PDE4B: variants seen among roughly 807,000 people sequenced by gnomAD.
PDE4B encodes phosphodiesterase 4B, also known as 3',5'-cyclic-AMP phosphodiesterase 4B.
PDE4B carries 20 observed loss-of-function variants against 82.2 expected under a neutral mutation model. The observed-to-expected ratio is 0.24, with a 90% CI of 0.17 to 0.35. The LOEUF (loss-of-function observed/expected upper bound fraction) is 0.35, where lower values mean the gene tolerates loss of function less well. Ranked by LOEUF, PDE4B falls within the 10% of genes least tolerant of loss-of-function variation. PDE4B has a pLI of 1.00. For missense variants in PDE4B, 655 were observed against 907.2 expected (o/e 0.72, Z 3.57); for synonymous variants, 320 against 318.9 (o/e 1.00, Z -0.04).
At chr1:66,367,262 G>A (rs966458705) in intron 13 of PDE4B, among the ~76,000 whole-genome samples, 2 of 152,198 alleles carry the variant, frequency 1.3e-5, no homozygotes. Flanking sequence ...AATTGCCGGA[G>A]ATTAGGGAGA....
Position 65,816,189 on chromosome 1 carries a change from C to CTGTGTGTG in PDE4B, c.-71+22941_-71+22942insTGTGTGTG, listed in dbSNP as rs1557761242. Among the ~76,000 whole-genome samples, 34 of 22,534 alleles carry CTGTGTGTG rather than the reference C, an allele frequency of 1.5e-3. No individual in the cohort carries two copies. The East Asian group carries it at 0.027, about 18-fold the overall frequency. 14.8% of individuals were successfully genotyped at this position (22,534 alleles called of 152,430 possible). A position where few individuals can be genotyped will look rare whatever the true frequency, so the allele number is the denominator to read the frequency against. On this transcript the variant is annotated intron_variant, in intron 1 of 16. Transcript: ENST00000341517. ...TTTCTGTTTTTAGTGATTATTAATGCAGTGTGTGTGTGTGTGTGTGTGTGT... is the reference window on the plus strand; with the variant it reads ...TTTCTGTTTTTAGTGATTATTAATGCTGTGTGTGAGTGTGTGTGTGTGTGTGTGTGTGT...
chr1:66,327,914 T>A (rs1659847656), intron 7 of PDE4B, among the ~76,000 whole-genome samples: 1 of 152,260 alleles, frequency 6.6e-6, no homozygotes, highest in South Asian at 2.1e-4. Context: ...AACTGAATCC[T>A]CTGTTTCATA....
intron 3 of PDE4B, among the ~76,000 whole-genome samples, chr1:66,022,183 G>C (rs1570003878): frequency 6.6e-6 from 1 of 152,206 alleles, no homozygotes; most frequent in East Asian, 1.9e-4. Context: ...TGCTGAAGTT[G>C]CTTATCAGCT....
At chr1:66,024,886 A>G (rs935149208) in intron 3 of PDE4B, among the ~76,000 whole-genome samples, 1 of 151,986 alleles carries the variant, frequency 6.6e-6, no homozygotes, top group Non-Finnish European at 1.5e-5. Context: ...AAAGAGGCAA[A>G]TACAATATTT....
intron 8 of PDE4B, among the ~76,000 whole-genome samples, chr1:66,333,443 T>C (rs1466427566): frequency 2.9e-5 from 4 of 139,756 alleles, no homozygotes; most frequent in African/African-American, 1.1e-4. Context: ...GCTATAAAGT[T>C]ATACAAAGTT....
At chr1:66,193,564 C>A (rs1264720705) in intron 3 of PDE4B, among the ~76,000 whole-genome samples, 3 of 152,094 alleles carry the variant, frequency 2.0e-5, no homozygotes, top group Admixed American at 1.3e-4. Context: ...TTAAAATAAT[C>A]ATCTCCCCTG....
At chr1:65,979,416 A>G (rs1030580849) in intron 3 of PDE4B, among the ~76,000 whole-genome samples, 9 of 152,198 alleles carry the variant, frequency 5.9e-5, no homozygotes, top group Admixed American at 6.5e-5. Flanking sequence ...GAAGGTCACA[A>G]GTTCATGTCT....
intron 1 of PDE4B, among the ~76,000 whole-genome samples, chr1:65,850,340 A>AC (rs1646317309): frequency 6.6e-6 from 1 of 151,722 alleles, no homozygotes; most frequent in South Asian, 2.1e-4. Context: ...CAGGTGATCC[A>AC]CCCACCTCAG....
At chr1:66,214,023 A>C (rs1347427040) in intron 3 of PDE4B, among the ~76,000 whole-genome samples, 2 of 152,170 alleles carry the variant, frequency 1.3e-5, no homozygotes, top group African/African-American at 4.8e-5. Context: ...CTACAGTAAA[A>C]AATAATATTT....
At chr1:66,312,816 G>A (rs374463121) in intron 7 of PDE4B, among the ~76,000 whole-genome samples, 5 of 152,160 alleles carry the variant, frequency 3.3e-5, no homozygotes, top group Non-Finnish European at 5.9e-5. Context: ...GATGACCTTC[G>A]TGCTAAAATG....
At chr1:66,182,086 G>A (rs754225327) in intron 3 of PDE4B, among the ~76,000 whole-genome samples, 11 of 152,068 alleles carry the variant, frequency 7.2e-5, no homozygotes, top group South Asian at 4.1e-4. Context: ...TGCCTAGCAA[G>A]CAAAAAAGCA....
intron 3 of PDE4B, among the ~76,000 whole-genome samples, chr1:66,195,301 G>A (rs534863443): frequency 6.6e-6 from 1 of 152,218 alleles, no homozygotes. Context: ...ATTTCCCTAT[G>A]TGGGAGAGAA....
intron 1 of PDE4B, among the ~76,000 whole-genome samples, chr1:65,807,083 G>A (rs1645762849): frequency 6.6e-6 from 1 of 152,104 alleles, no homozygotes; most frequent in African/African-American, 2.4e-5. Context: ...AAGAATCCCT[G>A]GGGTCCTTTT....
chr1:66,233,575 AACAGGCATTCGT>A (rs1652163011), intron 3 of PDE4B, among the ~76,000 whole-genome samples: 2 of 152,226 alleles, frequency 1.3e-5, no homozygotes, highest in African/African-American at 4.8e-5. Flanking sequence ...AAGCGGAAAG[AACAGGCATTCGT>A]ACCTGGTTCC....
chr1:65,962,688 T>G (rs1183592605), intron 3 of PDE4B, among the ~76,000 whole-genome samples: 1 of 152,162 alleles, frequency 6.6e-6, no homozygotes, highest in East Asian at 1.9e-4. Context: ...TGGAATATTA[T>G]GAAACCTCGG....
intron 6 of PDE4B, among the ~76,000 whole-genome samples, chr1:66,264,451 T>G (rs1188343377): frequency 1.3e-5 from 2 of 152,188 alleles, no homozygotes; most frequent in Non-Finnish European, 2.9e-5. Context: ...CTCTCTGAGC[T>G]TCAGTTTTCT....
At position 66,266,095 on chromosome 1, in the gene PDE4B, A is replaced by G. The variant is rs1655015403; in HGVS notation, c.634+8A>G. Reference sequence around the variant, plus strand: ...CCAGAGTCAACCCACAAGGTAGGCCATGTCATAAGGTCTATCTAGATGTTT... The same window carrying G: ...CCAGAGTCAACCCACAAGGTAGGCCGTGTCATAAGGTCTATCTAGATGTTT... On this transcript the variant is annotated splice_region_variant and intron_variant, in intron 7 of 16. Transcript: ENST00000341517. The G allele has an allele frequency of 6.2e-7, 1 of 1,602,726 alleles. No individual in the cohort carries two copies. The highest frequency in any genetic ancestry group is 1.3e-5 in the African/African-American group (1 of 74,714).
intron 1 of PDE4B, among the ~76,000 whole-genome samples, chr1:65,807,322 T>TA (rs1206045289): frequency 1.3e-5 from 2 of 152,228 alleles, no homozygotes; most frequent in East Asian, 3.8e-4. Flanking sequence ...CAAAATTGAG[T>TA]AAAAAAATCG....
At chr1:66,198,338 T>A (rs1247382132) in intron 3 of PDE4B, among the ~76,000 whole-genome samples, 1 of 152,136 alleles carries the variant, frequency 6.6e-6, no homozygotes, top group African/African-American at 2.4e-5. Context: ...TTTTAAAATA[T>A]TTTTTCTATT....
Sources: gnomAD v4.1 joint callset for allele counts (sites outside exome capture counted in the v4.1 genomes callset) on GRCh38, gnomAD v4.1.1 for gene constraint, MANE v1.5 for transcripts, NCBI Gene and HGNC (gene_info 2026-07-23, HGNC 2026-07-21) for gene names.